The following PPP1R13B variants were observed in gnomAD, a reference collection of about 807,000 sequenced individuals.
The protein encoded by PPP1R13B is protein phosphatase 1 regulatory subunit 13B.
A neutral mutation model predicts 119.8 loss-of-function variants in PPP1R13B; 44 were observed. The observed-to-expected ratio is 0.37, with a 90% CI of 0.29 to 0.47. PPP1R13B has a LOEUF of 0.47. PPP1R13B is among the 20% of genes least tolerant of loss of function. The probability of loss-of-function intolerance (pLI) is 0.99; values close to 1 mark genes in which losing one functional copy is unlikely to be tolerated. For missense variants in PPP1R13B, 1,227 were observed against 1,413.5 expected (o/e 0.87, Z 2.12); for synonymous variants, 542 against 561.5 (o/e 0.97, Z 0.49).
At chr14:103,767,033 A>C (rs1226517428) in intron 4 of PPP1R13B, among the ~76,000 whole-genome samples, 2 of 152,264 alleles carry the variant, frequency 1.3e-5, no homozygotes, top group African/African-American at 4.8e-5. Flanking sequence ...GATTATGAGA[A>C]GTGACCAAAT....
At position 103,740,119 on chromosome 14, in the gene PPP1R13B, T is replaced by A. The variant is rs370404525; in HGVS notation, c.2297A>T (p.Asn766Ile). 6.2e-7 allele frequency: 1 copy of A among 1,613,700 alleles called. No homozygotes were observed. The highest frequency in any genetic ancestry group is 1.1e-5 in the South Asian group (1 of 91,088). ...ADVDNGNTNA[N>I]GNLEELPPAQ... is the part of the protein sequence containing the mutation. ...AGGGGGGAGCTCTTCCAGGTTTCCA[T>A]TGGCATTGGTGTTTCCATTGTCCAC... The change falls in exon 12 of 17, where the codon AAT (asparagine) becomes ATT (isoleucine). Residue 766 changes from asparagine to isoleucine, a missense_variant. By Grantham distance (149) the Asn-to-Ile change is moderately radical. Coordinates refer to ENST00000202556, the MANE Select transcript of PPP1R13B (RefSeq NM_015316.3). This position sits in a 1 kb window ranked among gnomAD's most constrained non-coding sequence, Gnocchi z 4.6.
intron 1 of PPP1R13B, among the ~76,000 whole-genome samples, chr14:103,805,984 C>A (rs1301750623): frequency 6.6e-6 from 1 of 152,170 alleles, no homozygotes; most frequent in Non-Finnish European, 1.5e-5. Flanking sequence ...CTAAAGATCA[C>A]TGAATGTTCA....
At chr14:103,782,269 T>C (rs2085355641) in intron 3 of PPP1R13B, among the ~76,000 whole-genome samples, 3 of 152,232 alleles carry the variant, frequency 2.0e-5, no homozygotes, top group South Asian at 2.1e-4. Context: ...TTTTGCACCA[T>C]GCTTAATTCA....
At chr14:103,750,364 A>C (rs2084509332) in intron 7 of PPP1R13B, among the ~76,000 whole-genome samples, 1 of 152,232 alleles carries the variant, frequency 6.6e-6, no homozygotes, top group African/African-American at 2.4e-5. Flanking sequence ...GCACCTTTAC[A>C]TCATTTTAGT....
In PPP1R13B at chr14:103,738,623, C is replaced by T; in HGVS notation, c.2864+56G>A. The T allele has an allele frequency of 6.2e-7, 1 of 1,602,852 alleles. No homozygotes were observed. Among genetic ancestry groups the T allele is most frequent in the African/African-American group, 1.3e-5 (1 of 74,928 alleles). ...TAATTGTCTAGAACACGCCTGTTTT[C>T]CTTATGCAAAGCAGGGAAAGTAAAT... On this transcript the variant is annotated intron_variant, in intron 14 of 16. Transcript: ENST00000202556. The surrounding 1 kb of genome is among the most constrained non-coding windows in gnomAD (Gnocchi z 5.6).
At chr14:103,766,448 GC>G (rs2084941593) in intron 4 of PPP1R13B, among the ~76,000 whole-genome samples, 2 of 152,192 alleles carry the variant, frequency 1.3e-5, no homozygotes, top group East Asian at 3.9e-4. Flanking sequence ...CAGCAAGCAG[GC>G]ACTCTTTCCA....
intron 1 of PPP1R13B, among the ~76,000 whole-genome samples, chr14:103,800,552 G>GC (rs1270781391): frequency 6.6e-6 from 1 of 151,708 alleles, no homozygotes; most frequent in African/African-American, 2.4e-5. Context: ...TACTCAGGAG[G>GC]CTGAGGCATG....
At position 103,737,855 on chromosome 14, in the gene PPP1R13B, G is replaced by T; in HGVS notation, c.2870C>A (p.Pro957Gln). Residue 957 changes from proline to glutamine, a missense_variant, in exon 15 of 17, where the codon CCG becomes CAG. Transcript: ENST00000202556. ...GTTACAAGAGGCAGCGCAGTGCAGCGGCGTCCTGGAATAGAGCGTGGGTGA... is the reference window on the plus strand; with the variant it reads ...GTTACAAGAGGCAGCGCAGTGCAGCTGCGTCCTGGAATAGAGCGTGGGTGA... ...VNAADSDGWT[P>Q]LHCAASCNSV... 6.2e-7 allele frequency: 1 copy of T among 1,613,470 alleles called. No individual in the cohort carries two copies. The highest frequency in any genetic ancestry group is 8.5e-7 in the Non-Finnish European group (1 of 1,179,816).
intron 1 of PPP1R13B, among the ~76,000 whole-genome samples, chr14:103,812,076 A>C (rs1045104262): frequency 1.5e-4 from 23 of 150,588 alleles, no homozygotes; most frequent in African/African-American, 5.4e-4. Flanking sequence ...AAAAAAAAAA[A>C]AAAAACCTCA....
chr14:103,821,924 G>T (rs2086419853), intron 1 of PPP1R13B, among the ~76,000 whole-genome samples: 1 of 152,110 alleles, frequency 6.6e-6, no homozygotes, highest in African/African-American at 2.4e-5. Context: ...GCATTTAGTT[G>T]AGATATAATT....
intron 3 of PPP1R13B, among the ~76,000 whole-genome samples, chr14:103,782,676 T>C (rs891949792): frequency 6.6e-6 from 1 of 152,200 alleles, no homozygotes; most frequent in African/African-American, 2.4e-5. Flanking sequence ...AGTTAAAATA[T>C]AGTATTTCAA....
At chr14:103,818,546 T>C (rs1370612767) in intron 1 of PPP1R13B, 2 of 960,770 alleles carry the variant, frequency 2.1e-6, no homozygotes, top group African/African-American at 3.5e-5. Context: ...ATACACCAGT[T>C]GATTTCGTCC....
intron 3 of PPP1R13B, among the ~76,000 whole-genome samples, chr14:103,780,738 C>T (rs915743026): frequency 2.0e-5 from 3 of 150,028 alleles, no homozygotes; most frequent in East Asian, 2.0e-4. Context: ...TGCTTGAACC[C>T]GGGAGGCGAA....
chr14:103,748,115 G>A (rs1350495457), intron 8 of PPP1R13B, among the ~76,000 whole-genome samples: 2 of 144,596 alleles, frequency 1.4e-5, no homozygotes, highest in Non-Finnish European at 3.1e-5. Context: ...ACACACACAC[G>A]TGCACGCGCA....
intron 1 of PPP1R13B, among the ~76,000 whole-genome samples, chr14:103,807,252 C>T (rs575736164): frequency 1.2e-4 from 19 of 152,288 alleles, no homozygotes; most frequent in African/African-American, 4.3e-4. Flanking sequence ...TTTCCTTAAC[C>T]GAGAGTCTAC....
At chr14:103,759,153 T>C (rs1340013012) in intron 4 of PPP1R13B, 1 of 151,966 alleles carries the variant, frequency 6.6e-6, no homozygotes, top group Non-Finnish European at 1.5e-5. Flanking sequence ...AGGGACAGGG[T>C]TTCACCATAT....
In PPP1R13B at chr14:103,749,601, C is replaced by A. The variant is rs116387166; in HGVS notation, c.969+193G>T. 6.0e-3 allele frequency among the ~76,000 whole-genome samples: 910 copies of A among 152,304 alleles called. 12 individuals carry two copies. The highest frequency in any genetic ancestry group is 0.021 in the African/African-American group (855 of 41,560). On this transcript the variant is annotated intron_variant, in intron 8 of 16. Coordinates refer to ENST00000202556, the MANE Select transcript of PPP1R13B (RefSeq NM_015316.3). Reference sequence around the variant, plus strand: ...GCAAGGCTGCAGGCTGAGGATGGTTCTGCCTCCACACACCAGGAAATAAAT... The same window carrying A: ...GCAAGGCTGCAGGCTGAGGATGGTTATGCCTCCACACACCAGGAAATAAAT...
At chr14:103,847,901 G>T (rs921019246), upstream of PPP1R13B, among the ~76,000 whole-genome samples, 2 of 151,760 alleles carry the variant, frequency 1.3e-5, no homozygotes, top group African/African-American at 2.4e-5. Context: ...GTCCCGCAGC[G>T]GATCACGGCA....
At chr14:103,836,663 G>A (rs1451345319) in intron 1 of PPP1R13B, among the ~76,000 whole-genome samples, 3 of 151,950 alleles carry the variant, frequency 2.0e-5, no homozygotes, top group Admixed American at 1.3e-4. Context: ...TCAGCTACTC[G>A]GGAGGCTGAG....
Sources: allele counts gnomAD v4.1 joint callset (sites outside exome capture counted in the v4.1 genomes callset), GRCh38; gene constraint gnomAD v4.1.1; non-coding constraint Gnocchi (gnomAD v3.1); transcripts MANE v1.5; gene names NCBI Gene and HGNC (gene_info 2026-07-23, HGNC 2026-07-21).